The following MAP4K3 variants were observed in gnomAD, a reference collection of about 807,000 sequenced individuals.
The protein encoded by MAP4K3 is mitogen-activated protein kinase kinase kinase kinase 3.
In MAP4K3, 94 loss-of-function variants were observed where a neutral mutation model predicts 143.5. The ratio of observed to expected loss-of-function variants is 0.65; its 90% CI spans 0.55 to 0.78. MAP4K3 has a LOEUF of 0.78. Among genes scored for constraint, MAP4K3 ranks in the 30% least tolerant of loss-of-function variants. The probability of loss-of-function intolerance (pLI) is 0.00; values close to 1 mark genes in which losing one functional copy is unlikely to be tolerated. For missense variants in MAP4K3, 1,077 were observed against 1,068.1 expected, an observed-to-expected ratio of 1.01 and a Z score of -0.12; for synonymous variants, 416 against 347.2, an observed-to-expected ratio of 1.20 and a Z score of -2.20.
intron 1 of MAP4K3, among the ~76,000 whole-genome samples, chr2:39,386,168 G>C (rs1666500281): frequency 6.6e-6 from 1 of 152,150 alleles, no homozygotes; most frequent in South Asian, 2.1e-4. Flanking sequence ...AAAAGGAAGA[G>C]ATACCAGAGA....
intron 1 of MAP4K3, among the ~76,000 whole-genome samples, chr2:39,383,614 T>C (rs1172555327): frequency 6.6e-6 from 1 of 151,528 alleles, no homozygotes; most frequent in Admixed American, 6.6e-5. Context: ...ATTGTACCGG[T>C]AGAATTATTA....
At chr2:39,370,914 T>C (rs1026575254) in intron 2 of MAP4K3, among the ~76,000 whole-genome samples, 77 of 152,248 alleles carry the variant, frequency 5.1e-4, no homozygotes, top group African/African-American at 1.7e-3. Context: ...CTTATTTATA[T>C]AATAACACCT....
intron 24 of MAP4K3, among the ~76,000 whole-genome samples, chr2:39,277,721 T>C (rs1039854991): frequency 6.6e-6 from 1 of 151,946 alleles, no homozygotes; most frequent in East Asian, 2.0e-4. Context: ...CAGGCCACCA[T>C]GCCCAGCTAA....
intron 1 of MAP4K3, among the ~76,000 whole-genome samples, chr2:39,435,534 T>C (rs1377329600): frequency 6.6e-6 from 1 of 152,172 alleles, no homozygotes; most frequent in African/African-American, 2.4e-5. Context: ...GCGATGAGCG[T>C]CTGATACCCT....
At chr2:39,297,978 G>T (rs1475475716) in intron 16 of MAP4K3, among the ~76,000 whole-genome samples, 1 of 151,904 alleles carries the variant, frequency 6.6e-6, no homozygotes, top group African/African-American at 2.4e-5. Context: ...AAGGAATCTG[G>T]AAAAGCATTT....
At position 39,333,123 on chromosome 2, in the gene MAP4K3, C is replaced by T. The variant is rs143271436; in HGVS notation, c.457+409G>A. On this transcript the variant is annotated intron_variant, in intron 7 of 33. Coordinates refer to ENST00000263881, the MANE Select transcript of MAP4K3 (RefSeq NM_003618.4). Reference sequence around the variant, plus strand: ...CAACATTCAGCATCTAAATTACATTCTTAAGTAAGTAATGCTGTATTTTAT... The same window carrying T: ...CAACATTCAGCATCTAAATTACATTTTTAAGTAAGTAATGCTGTATTTTAT... Among the ~76,000 whole-genome samples, 171 of 152,156 alleles carry T rather than the reference C, an allele frequency of 1.1e-3. 1 individual carries two copies. In the South Asian group the frequency reaches 0.017, roughly 15 times the overall value.
intron 1 of MAP4K3, among the ~76,000 whole-genome samples, chr2:39,426,714 T>A (rs1572516184): frequency 6.6e-6 from 1 of 152,062 alleles, no homozygotes; most frequent in African/African-American, 2.4e-5. Context: ...AATTATTTTT[T>A]AAAAAGCAAA....
chr2:39,257,323 C>T (rs963475180), intron 31 of MAP4K3, among the ~76,000 whole-genome samples: 1 of 152,074 alleles, frequency 6.6e-6, no homozygotes, highest in Non-Finnish European at 1.5e-5. Context: ...CAGAAAAATA[C>T]TCCTATTAAG....
chr2:39,309,451 T>C lies in MAP4K3; in HGVS notation c.1056+10A>G, dbSNP rs1573129057. ...TTTCAGTGCTAACATTCTAAGGCTA[T>C]ACTACTTACAAGTTCATGATGTGGT... On this transcript the variant is annotated intron_variant, in intron 14 of 33. Coordinates refer to ENST00000263881, the MANE Select transcript of MAP4K3 (RefSeq NM_003618.4). 7.0e-6 allele frequency: 11 copies of C among 1,570,508 alleles called. No individual in the cohort carries two copies. The highest frequency in any genetic ancestry group is 8.7e-6 in the Non-Finnish European group (10 of 1,153,894).
intron 1 of MAP4K3, among the ~76,000 whole-genome samples, chr2:39,414,392 C>T (rs1449866594): frequency 6.6e-6 from 1 of 152,140 alleles, no homozygotes; most frequent in Non-Finnish European, 1.5e-5. Context: ...AATTAAGAGG[C>T]TAGTAGCAAT....
intron 24 of MAP4K3, among the ~76,000 whole-genome samples, chr2:39,275,446 C>A (rs1385141240): frequency 6.6e-6 from 1 of 152,146 alleles, no homozygotes; most frequent in Admixed American, 6.5e-5. Context: ...CACGCCACTG[C>A]CCTCCAGCCT....
intron 15 of MAP4K3, 128 bp from the exon 16 acceptor site, chr2:39,299,929 A>G: frequency 2.6e-6 from 1 of 380,250 alleles, no homozygotes; most frequent in South Asian, 1.4e-4. Flanking sequence ...GTATTGCTAT[A>G]CATTCTTAAA....
intron 8 of MAP4K3, among the ~76,000 whole-genome samples, chr2:39,331,347 AGTTTTT>A (rs1683675674): frequency 6.6e-6 from 1 of 152,154 alleles, no homozygotes; most frequent in Non-Finnish European, 1.5e-5. Context: ...CGAGTAGGAT[AGTTTTT>A]ATACTATGAT....
intron 2 of MAP4K3, among the ~76,000 whole-genome samples, chr2:39,377,141 G>A (rs1414514586): frequency 1.3e-5 from 2 of 148,912 alleles, no homozygotes; most frequent in East Asian, 2.0e-4. Flanking sequence ...AGGGAAAGAG[G>A]GAGAACTGAA....
chr2:39,329,466 G>A (rs1341570143), intron 8 of MAP4K3, among the ~76,000 whole-genome samples: 1 of 152,156 alleles, frequency 6.6e-6, no homozygotes. Context: ...AGGTGCCAAG[G>A]AAAAGAACAA....
intron 3 of MAP4K3, among the ~76,000 whole-genome samples, chr2:39,345,866 G>A (rs565407843): frequency 7.3e-6 from 1 of 137,602 alleles, no homozygotes; most frequent in Non-Finnish European, 1.5e-5. Flanking sequence ...AGCTTGCAGT[G>A]AGCAGAGATC....
intron 33 of MAP4K3, among the ~76,000 whole-genome samples, chr2:39,250,946 A>G (rs1358277952): frequency 6.6e-6 from 1 of 152,216 alleles, no homozygotes; most frequent in African/African-American, 2.4e-5. Context: ...AGTGGGGAGA[A>G]ACCTATATTA....
chr2:39,393,877 A>T (rs1435034422), intron 1 of MAP4K3, among the ~76,000 whole-genome samples: 1 of 152,200 alleles, frequency 6.6e-6, no homozygotes, highest in Non-Finnish European at 1.5e-5. Context: ...TGGTTAAAAA[A>T]AATCTGCATA....
intron 13 of MAP4K3, among the ~76,000 whole-genome samples, chr2:39,312,264 C>A (rs1006670821): frequency 6.6e-6 from 1 of 152,018 alleles, no homozygotes; most frequent in Admixed American, 6.6e-5. Flanking sequence ...CCTTTTATTT[C>A]CACAGCTCAT....
Sources: gnomAD v4.1 joint callset for allele counts (sites outside exome capture counted in the v4.1 genomes callset) on GRCh38, gnomAD v4.1.1 for gene constraint, MANE v1.5 for transcripts, NCBI Gene and HGNC (gene_info 2026-07-23, HGNC 2026-07-21) for gene names.